KAT6A: variants seen among roughly 807,000 people sequenced by gnomAD.
KAT6A encodes histone acetyltransferase KAT6A.
A neutral mutation model predicts 198.4 loss-of-function variants in KAT6A; 9 were observed. That is an observed-to-expected ratio of 0.05 (90% CI 0.03 to 0.08). KAT6A has a LOEUF of 0.08. Ranked by LOEUF, KAT6A falls within the 10% of genes least tolerant of loss-of-function variation. The pLI is 1.00. For missense variants in KAT6A, 2,077 were observed against 2,509.9 expected, an observed-to-expected ratio of 0.83 and a Z score of 3.69; for synonymous variants, 890 against 883.0, an observed-to-expected ratio of 1.01 and a Z score of -0.14.
At position 42,044,938 on chromosome 8, in the gene KAT6A, C is replaced by CAT. The variant is rs571230603; in HGVS notation, c.600+3438_600+3439dup. On this transcript the variant is annotated intron_variant, in intron 2 of 16. Coordinates refer to ENST00000265713, the MANE Select transcript of KAT6A (RefSeq NM_006766.5). Reference sequence around the variant, plus strand: ...TCGTAACAGCAAACTATCAATTCTGCATAGCAACTGACTGCGTAGTTCGAA... The same window carrying CAT: ...TCGTAACAGCAAACTATCAATTCTGCATATAGCAACTGACTGCGTAGTTCGAA... Among the ~76,000 whole-genome samples the CAT allele has an allele frequency of 4.1e-3, 632 of 152,302 alleles. 2 individuals are homozygous for CAT. Among genetic ancestry groups the CAT allele is most frequent in the Non-Finnish European group, 7.3e-3 (495 of 68,024 alleles).
intron 8 of KAT6A, 59 bp downstream of exon 8, chr8:41,974,645 T>G: frequency 1.0e-6 from 1 of 981,194 alleles, no homozygotes; most frequent in South Asian, 1.4e-5. Context: ...GTAATTAATC[T>G]GCTGTTTCTC....
Position 42,048,435 on chromosome 8 carries a change from A to C in KAT6A, c.543T>G (p.Ser181Arg). The C allele has an allele frequency of 1.2e-6, 2 of 1,613,716 alleles. No individual in the cohort carries two copies. The highest frequency in any genetic ancestry group is 1.7e-6 in the Non-Finnish European group (2 of 1,179,846). The change falls in exon 2 of 17, where the codon AGT (serine) becomes AGG (arginine). Residue 181 changes from serine to arginine, a missense_variant. Coordinates refer to ENST00000265713, the MANE Select transcript of KAT6A (RefSeq NM_006766.5). ...GAGGTAAACAGGAAAGAGACTCACA[A>C]CTCTCTTTCCCATCCACGTTGGTTG... ...TKATNVDGKE[S>R]CESLSCLPPV...
chr8:41,957,799 C>G (rs1183414345), intron 8 of KAT6A: 1 of 152,972 alleles, frequency 6.5e-6, no homozygotes, highest in African/African-American at 2.4e-5. Flanking sequence ...AAGAGTATTA[C>G]TCTTCTACAA....
At chr8:42,013,342 G>A (rs928698253) in intron 2 of KAT6A, among the ~76,000 whole-genome samples, 6 of 150,338 alleles carry the variant, frequency 4.0e-5, no homozygotes, top group South Asian at 4.2e-4. Flanking sequence ...TGCAACCTCC[G>A]CCTCCCGGGT....
intron 3 of KAT6A, among the ~76,000 whole-genome samples, chr8:41,982,527 T>C (rs1487940877): frequency 1.3e-5 from 2 of 152,176 alleles, no homozygotes; most frequent in African/African-American, 4.8e-5. Context: ...TACTGCAGTG[T>C]GAAAATATTA....
chr8:42,011,531 A>G (rs1443032600), intron 2 of KAT6A, among the ~76,000 whole-genome samples: 1 of 152,172 alleles, frequency 6.6e-6, no homozygotes, highest in Admixed American at 6.5e-5. Context: ...TGAGGTCAGG[A>G]GTTCGAGACT....
chr8:41,982,044 A>C, intron 3 of KAT6A, 90 bp from the exon 4 acceptor site: 1 of 737,940 alleles, frequency 1.4e-6, no homozygotes. Context: ...AAAGGCAATC[A>C]TCTTAAATAC....
At chr8:41,956,579 C>CACCA (rs1564021315) in intron 8 of KAT6A, among the ~76,000 whole-genome samples, 2 of 152,122 alleles carry the variant, frequency 1.3e-5, no homozygotes, top group Admixed American at 1.3e-4. Flanking sequence ...CATTAGAGAC[C>CACCA]TTCTGGTCTT....
intron 2 of KAT6A, among the ~76,000 whole-genome samples, chr8:41,989,915 G>A (rs895556463): frequency 6.6e-6 from 1 of 152,232 alleles, no homozygotes; most frequent in African/African-American, 2.4e-5. Context: ...GAGACTGAGA[G>A]ATGAACGGCT....
intron 2 of KAT6A, among the ~76,000 whole-genome samples, chr8:42,029,834 T>C (rs1205331369): frequency 6.6e-6 from 1 of 152,216 alleles, no homozygotes; most frequent in Non-Finnish European, 1.5e-5. Flanking sequence ...TGTTATCTGT[T>C]AAATTTCTCA....
At chr8:41,978,567 G>C in intron 6 of KAT6A, 75 bp downstream of exon 6, 2 of 1,467,730 alleles carry the variant, frequency 1.4e-6, no homozygotes, top group South Asian at 2.6e-5. Flanking sequence ...TTTTCATAGA[G>C]AAAACAAGTG....
At chr8:41,984,970 G>A (rs867064229) in intron 3 of KAT6A, among the ~76,000 whole-genome samples, 2 of 146,214 alleles carry the variant, frequency 1.4e-5, no homozygotes, top group African/African-American at 5.1e-5. Context: ...GCAACAGAGT[G>A]AGACTGTCTC....
chr8:42,005,179 T>C (rs1825680187), intron 2 of KAT6A, among the ~76,000 whole-genome samples: 1 of 152,194 alleles, frequency 6.6e-6, no homozygotes, highest in Non-Finnish European at 1.5e-5. Context: ...AATATTCGTG[T>C]TTAAAAAAAA....
At chr8:42,048,079 T>C (rs759026102) in intron 2 of KAT6A, among the ~76,000 whole-genome samples, 13 of 151,802 alleles carry the variant, frequency 8.6e-5, no homozygotes, top group Non-Finnish European at 1.3e-4. Context: ...TCAAGCAAAA[T>C]AATAAAAAAA....
intron 7 of KAT6A, 150 bp downstream of exon 7, chr8:41,976,858 A>C: frequency 1.5e-6 from 1 of 649,942 alleles, no homozygotes; most frequent in South Asian, 3.0e-5. Flanking sequence ...TTATCACCTC[A>C]GTATCATCTA....
intron 4 of KAT6A, 124 bp downstream of exon 4, chr8:41,981,715 C>A: frequency 1.5e-6 from 1 of 646,254 alleles, no homozygotes; most frequent in East Asian, 2.8e-5. Context: ...AAAGAGACTA[C>A]CGGCTATTCT....
At chr8:42,030,420 T>G (rs953426360) in intron 2 of KAT6A, among the ~76,000 whole-genome samples, 1 of 152,192 alleles carries the variant, frequency 6.6e-6, no homozygotes, top group Non-Finnish European at 1.5e-5. Context: ...TTCAGTGTTC[T>G]CTCTTAAATG....
At chr8:41,948,903 A>G (rs1822529787) in intron 10 of KAT6A, among the ~76,000 whole-genome samples, 1 of 143,428 alleles carries the variant, frequency 7.0e-6, no homozygotes, top group South Asian at 2.1e-4. Context: ...GAGGTCACAC[A>G]TCATCATCAT....
At chr8:42,046,908 TA>T (rs749669870) in intron 2 of KAT6A, among the ~76,000 whole-genome samples, 21 of 152,340 alleles carry the variant, frequency 1.4e-4, no homozygotes, top group Non-Finnish European at 2.4e-4. Flanking sequence ...GATTATGTTT[TA>T]TTTCAATGTT....
Sources: allele counts gnomAD v4.1 joint callset (sites outside exome capture counted in the v4.1 genomes callset), GRCh38; gene constraint gnomAD v4.1.1; transcripts MANE v1.5; gene names NCBI Gene and HGNC (gene_info 2026-07-23, HGNC 2026-07-21).